Variants in PRKG1 observed in about 807,000 individuals in gnomAD.
PRKG1 encodes cGMP-dependent protein kinase 1.
A neutral mutation model predicts 88.1 loss-of-function variants in PRKG1; 35 were observed. The observed-to-expected ratio is 0.40, with a 90% CI of 0.30 to 0.53. The LOEUF is 0.53. Among genes scored for constraint, PRKG1 ranks in the 20% least tolerant of loss-of-function variants. PRKG1 has a pLI of 0.59. For synonymous variants in PRKG1, 303 were observed against 292.5 expected, an observed-to-expected ratio of 1.04 and a Z score of -0.37; for missense variants, 540 against 839.8, an observed-to-expected ratio of 0.64 and a Z score of 4.41.
At chr10:51,607,560 C>A (rs74872488) in intron 3 of PRKG1, among the ~76,000 whole-genome samples, 4 of 152,156 alleles carry the variant, frequency 2.6e-5, no homozygotes, top group Non-Finnish European at 5.9e-5. Flanking sequence ...TTCCCATGTC[C>A]CAACTTTCTG....
chr10:52,077,851 A>G (rs979257541), intron 7 of PRKG1, among the ~76,000 whole-genome samples: 4 of 152,140 alleles, frequency 2.6e-5, no homozygotes, highest in Non-Finnish European at 5.9e-5. Context: ...GACAGTAGTA[A>G]TCATCTTCTA....
rs1039998595 is a variant in PRKG1, at chr10:51,684,501, A to T, written c.593-120084A>T. ...TAATTTATATGTTGATAAAAATGTT[A>T]AAAAAAGACACCATGGGAAAAATAG... is the stretch of plus-strand genomic sequence containing the variant. On this transcript the variant is annotated intron_variant, in intron 3 of 17. Transcript: ENST00000373980. 4.6e-5 allele frequency among the ~76,000 whole-genome samples: 7 copies of T among 152,090 alleles called. No homozygotes were observed. The South Asian group carries it at 8.3e-4, about 18-fold the overall frequency.
chr10:51,152,255 A>G (rs1242964700), intron 1 of PRKG1, among the ~76,000 whole-genome samples: 1 of 152,066 alleles, frequency 6.6e-6, no homozygotes, highest in Non-Finnish European at 1.5e-5. Flanking sequence ...ATTTATGAAT[A>G]TGTTTCCTAC....
chr10:51,190,846 T>A (rs1339915544), intron 2 of PRKG1, among the ~76,000 whole-genome samples: 1 of 151,832 alleles, frequency 6.6e-6, no homozygotes, highest in African/African-American at 2.4e-5. Context: ...ATCCTTCCCA[T>A]ATTGTCATTG....
intron 4 of PRKG1, among the ~76,000 whole-genome samples, chr10:51,901,549 G>A (rs1036824683): frequency 6.6e-6 from 1 of 152,164 alleles, no homozygotes; most frequent in African/African-American, 2.4e-5. Context: ...TAATTATTGT[G>A]TGATCTTCTC....
intron 2 of PRKG1, among the ~76,000 whole-genome samples, chr10:51,261,955 C>T (rs1295713229): frequency 2.8e-5 from 4 of 144,434 alleles, no homozygotes; most frequent in South Asian, 2.2e-4. Context: ...TGCAATCGCT[C>T]GGCTCACTGC....
intron 3 of PRKG1, among the ~76,000 whole-genome samples, chr10:51,775,539 C>A (rs1055460704): frequency 6.6e-6 from 1 of 151,792 alleles, no homozygotes; most frequent in Non-Finnish European, 1.5e-5. Context: ...CTTCTCCTTT[C>A]ATATTGTTGA....
At chr10:51,032,240 C>T (rs960544592) in intron 1 of PRKG1, among the ~76,000 whole-genome samples, 1 of 152,134 alleles carries the variant, frequency 6.6e-6, no homozygotes, top group South Asian at 2.1e-4. Flanking sequence ...ACTTGCAGCT[C>T]ATTGGCACCA....
intron 3 of PRKG1, among the ~76,000 whole-genome samples, chr10:51,623,151 G>T (rs1298072111): frequency 6.6e-6 from 1 of 152,202 alleles, no homozygotes; most frequent in Non-Finnish European, 1.5e-5. Context: ...GCTATGTGGG[G>T]ACAGAGAAAT....
At chr10:51,777,237 A>G (rs962810025) in intron 3 of PRKG1, among the ~76,000 whole-genome samples, 1 of 152,150 alleles carries the variant, frequency 6.6e-6, no homozygotes, top group Admixed American at 6.5e-5. Flanking sequence ...CATCTTCACA[A>G]TAATGCCAGG....
chr10:51,857,733 G>C (rs1180081872), intron 4 of PRKG1, among the ~76,000 whole-genome samples: 1 of 152,020 alleles, frequency 6.6e-6, no homozygotes, highest in Non-Finnish European at 1.5e-5. Context: ...TTTAGAGCCA[G>C]CCAGATTTCT....
intron 2 of PRKG1, among the ~76,000 whole-genome samples, chr10:51,178,214 TAA>T (rs1375592043): frequency 6.6e-6 from 1 of 151,310 alleles, no homozygotes; most frequent in Non-Finnish European, 1.5e-5. Context: ...ATATTAACCT[TAA>T]GTCTAAATAT....
intron 2 of PRKG1, among the ~76,000 whole-genome samples, chr10:51,308,192 T>A (rs998466004): frequency 2.6e-5 from 4 of 152,190 alleles, no homozygotes; most frequent in African/African-American, 9.7e-5. Flanking sequence ...CTTTATTACA[T>A]TACTTTATAT....
At chr10:51,820,113 A>C (rs915965182) in intron 4 of PRKG1, among the ~76,000 whole-genome samples, 1 of 152,146 alleles carries the variant, frequency 6.6e-6, no homozygotes, top group African/African-American at 2.4e-5. Flanking sequence ...AAAATACCTA[A>C]TGTCAGATAC....
intron 1 of PRKG1, among the ~76,000 whole-genome samples, chr10:51,126,255 TTATATATTTATTTATAATTATTTATA>T: frequency 1.2e-4 from 1 of 8,330 alleles, no homozygotes; most frequent in Middle Eastern, 0.17. Context: ...TTATAATTAT[TTATATATTTATTTATAATTATTTATA>T]TATTTATATA....
chr10:52,087,561 T>A (rs1025661557), intron 7 of PRKG1, among the ~76,000 whole-genome samples: 1 of 152,198 alleles, frequency 6.6e-6, no homozygotes, highest in Non-Finnish European at 1.5e-5. Context: ...AGATTTAAAG[T>A]CATAGTCAGA....
chr10:51,395,593 T>A (rs1837555733), intron 2 of PRKG1, among the ~76,000 whole-genome samples: 1 of 152,176 alleles, frequency 6.6e-6, no homozygotes, highest in African/African-American at 2.4e-5. Context: ...ACTGAGAAAC[T>A]GTAATTGAGA....
chr10:51,630,315 G>A (rs1839490805), intron 3 of PRKG1, among the ~76,000 whole-genome samples: 1 of 152,144 alleles, frequency 6.6e-6, no homozygotes, highest in Admixed American at 6.5e-5. Flanking sequence ...ATCACATCCT[G>A]CAAAACATTA....
chr10:51,544,864 T>C (rs972934133), intron 3 of PRKG1, among the ~76,000 whole-genome samples: 2 of 151,968 alleles, frequency 1.3e-5, no homozygotes, highest in Non-Finnish European at 2.9e-5. Flanking sequence ...CCATCAAAAA[T>C]TGGGCAAAGG....
Sources: gnomAD v4.1 joint callset for allele counts (sites outside exome capture counted in the v4.1 genomes callset) on GRCh38, gnomAD v4.1.1 for gene constraint, MANE v1.5 for transcripts, NCBI Gene and HGNC (gene_info 2026-07-23, HGNC 2026-07-21) for gene names.